Variants in MAP2 observed in about 807,000 individuals in gnomAD.
The protein encoded by MAP2 is microtubule associated protein 2, also known as microtubule-associated protein 2.
A neutral mutation model predicts 137.6 loss-of-function variants in MAP2; 14 were observed. That is an observed-to-expected ratio of 0.10 (90% confidence interval 0.07 to 0.16). The LOEUF is 0.16. MAP2 is among the 10% of genes least tolerant of loss of function. The pLI, the probability that MAP2 is intolerant of heterozygous loss-of-function variation, is 1.00. For missense variants in MAP2, 2,088 were observed against 2,191.5 expected (o/e 0.95, Z 0.94); for synonymous variants, 786 against 782.3 (o/e 1.00, Z -0.08).
chr2:209,496,603 C>T (rs1202637978), intron 1 of MAP2, among the ~76,000 whole-genome samples: 4 of 152,100 alleles, frequency 2.6e-5, no homozygotes, highest in Admixed American at 6.6e-5. Context: ...AATACCTTTC[C>T]TTTATTATCC....
At chr2:209,474,144 G>T (rs1358518160) in intron 1 of MAP2, among the ~76,000 whole-genome samples, 1 of 152,068 alleles carries the variant, frequency 6.6e-6, no homozygotes, top group African/African-American at 2.4e-5. Flanking sequence ...ACCAAGGGGA[G>T]CTTGAGATAT....
intron 2 of MAP2, among the ~76,000 whole-genome samples, chr2:209,562,526 C>T (rs904365332): frequency 6.6e-6 from 1 of 151,804 alleles, no homozygotes; most frequent in Non-Finnish European, 1.5e-5. Flanking sequence ...GTGAAACCCC[C>T]TCTCTACTAA....
At chr2:209,690,572 T>C (rs1276787744) in intron 7 of MAP2, 2 of 1,260,528 alleles carry the variant, frequency 1.6e-6, no homozygotes, top group Admixed American at 5.2e-5. Flanking sequence ...TGTTCTGTGG[T>C]CATGATGTCA....
At chr2:209,494,081 C>T (rs2059449132) in intron 1 of MAP2, among the ~76,000 whole-genome samples, 2 of 152,098 alleles carry the variant, frequency 1.3e-5, no homozygotes, top group Admixed American at 6.6e-5. Flanking sequence ...GGCATACATA[C>T]ACCATGGAAT....
chr2:209,704,123 C>T (rs1256691598), intron 11 of MAP2: 2 of 449,020 alleles, frequency 4.5e-6, no homozygotes, highest in Non-Finnish European at 8.9e-6. Flanking sequence ...ATCCTTCCCC[C>T]ACTTTTGGAG....
intron 5 of MAP2, among the ~76,000 whole-genome samples, chr2:209,657,186 T>G (rs981733098): frequency 4.6e-5 from 7 of 152,220 alleles, no homozygotes; most frequent in Non-Finnish European, 8.8e-5. Flanking sequence ...CACTGATGGA[T>G]GCTTAGGTTG....
chr2:209,457,378 C>A (rs1270894880), intron 1 of MAP2, among the ~76,000 whole-genome samples: 1 of 152,138 alleles, frequency 6.6e-6, no homozygotes, highest in Non-Finnish European at 1.5e-5. Context: ...GAACCAGCTG[C>A]TAGAAAATGA....
At chr2:209,444,734 C>T (rs987250292) in intron 1 of MAP2, among the ~76,000 whole-genome samples, 1 of 151,370 alleles carries the variant, frequency 6.6e-6, no homozygotes, top group Non-Finnish European at 1.5e-5. Context: ...ACTGAGTCAT[C>T]GTTGAAACTT....
intron 3 of MAP2, among the ~76,000 whole-genome samples, chr2:209,618,969 A>G (rs2090352210): frequency 6.6e-6 from 1 of 152,206 alleles, no homozygotes; most frequent in Admixed American, 6.5e-5. Context: ...AAAAATTTGC[A>G]ACTACTTGGA....
chr2:209,435,711 A>T (rs1049815902), intron 1 of MAP2, among the ~76,000 whole-genome samples: 2 of 151,224 alleles, frequency 1.3e-5, no homozygotes, highest in Non-Finnish European at 1.5e-5. Flanking sequence ...TAGCATAGAG[A>T]CATCAAACTA....
intron 10 of MAP2, among the ~76,000 whole-genome samples, 153 bp downstream of exon 10, chr2:209,697,204 CT>C (rs5838180): frequency 1.7e-4 from 26 of 151,814 alleles, no homozygotes; most frequent in African/African-American, 6.0e-4. Context: ...TATCATTATT[CT>C]TTTTTCCCCC....
At chr2:209,674,681 G>A (rs545229450) in intron 5 of MAP2, among the ~76,000 whole-genome samples, 1 of 151,810 alleles carries the variant, frequency 6.6e-6, no homozygotes, top group Admixed American at 6.6e-5. Flanking sequence ...ATAGACAAAT[G>A]TAGAATCAGT....
intron 5 of MAP2, among the ~76,000 whole-genome samples, chr2:209,659,191 T>G (rs2042282272): frequency 6.6e-6 from 1 of 152,236 alleles, no homozygotes; most frequent in African/African-American, 2.4e-5. Context: ...GTTTATAATT[T>G]ACTTGGCTTT....
intron 3 of MAP2, among the ~76,000 whole-genome samples, chr2:209,599,727 A>G (rs1331277621): frequency 2.6e-5 from 4 of 152,108 alleles, no homozygotes; most frequent in Non-Finnish European, 4.4e-5. Flanking sequence ...TGTCTGGCAT[A>G]TAACAGGCAT....
chr2:209,660,461 T>C (rs1399519442), intron 5 of MAP2, among the ~76,000 whole-genome samples: 1 of 135,292 alleles, frequency 7.4e-6, no homozygotes, highest in African/African-American at 2.7e-5. Context: ...TGGCGCGATC[T>C]CGGCACACTG....
In MAP2 at chr2:209,692,807, A is replaced by G. The variant is rs975704619; in HGVS notation, c.637A>G (p.Met213Val). Reference protein sequence around the residue: ...TTKTYPDKKDMQGTEEEKAPL... With the variant: ...TTKTYPDKKDVQGTEEEKAPL... ...TAAAACTTACCCTGATAAAAAGGAC[A>G]TGCAAGGCACGGAAGAAGAAAAAGC... is the stretch of plus-strand genomic sequence containing the variant. Residue 213 changes from methionine (M) to valine (V), a missense_variant, in exon 8 of 16, where the codon ATG (methionine) becomes GTG (valine). Coordinates refer to ENST00000682079, the MANE Select transcript of MAP2 (RefSeq NM_001375505.1). The G allele has an allele frequency of 1.9e-6, 3 of 1,613,676 alleles. No individual in the cohort carries two copies. The highest frequency in any genetic ancestry group is 2.5e-6 in the Non-Finnish European group (3 of 1,179,860).
intron 2 of MAP2, among the ~76,000 whole-genome samples, chr2:209,545,173 C>T (rs2067809100): frequency 6.6e-6 from 1 of 152,140 alleles, no homozygotes; most frequent in Admixed American, 6.5e-5. Flanking sequence ...GTTATTTATG[C>T]TCTACCACTT....
At position 209,694,232 on chromosome 2, in the gene MAP2, G is replaced by A; in HGVS notation, c.2062G>A (p.Gly688Arg). 6.2e-7 allele frequency: 1 copy of A among 1,614,118 alleles called. No homozygotes were observed. The highest frequency in any genetic ancestry group is 8.5e-7 in the Non-Finnish European group (1 of 1,180,008). ...KDDLTLSRSL[G>R]LGGRSAIEQR... Reference sequence around the variant, plus strand: ...TGATTTGACCCTTAGCAGGAGTTTAGGACTTGGTGGTAGGTCTGCAATAGA... The same window carrying A: ...TGATTTGACCCTTAGCAGGAGTTTAAGACTTGGTGGTAGGTCTGCAATAGA... The change falls in exon 8 of 16, where the codon GGA becomes AGA. Residue 688 changes from glycine to arginine, a missense_variant. Physicochemically the swap from Gly to Arg is moderately radical, Grantham distance 125. Transcript: ENST00000682079.
At chr2:209,523,330 T>A (rs1250613481) in intron 2 of MAP2, among the ~76,000 whole-genome samples, 1 of 152,182 alleles carries the variant, frequency 6.6e-6, no homozygotes, top group Non-Finnish European at 1.5e-5. Flanking sequence ...TTACTGTCTT[T>A]CTGGAACTTA....
Sources: allele counts gnomAD v4.1 joint callset (sites outside exome capture counted in the v4.1 genomes callset), GRCh38; gene constraint gnomAD v4.1.1; transcripts MANE v1.5; gene names NCBI Gene and HGNC (gene_info 2026-07-23, HGNC 2026-07-21).